The following LRRC37A2 variants were observed in gnomAD, a reference collection of about 807,000 sequenced individuals.
The protein encoded by LRRC37A2 is leucine-rich repeat-containing protein 37A2.
Under a neutral mutation model 68.8 loss-of-function variants are expected in LRRC37A2, and 9 were observed. The observed-to-expected ratio is 0.13, with a 90% CI of 0.08 to 0.23. The LOEUF is 0.23. Among genes scored for constraint, LRRC37A2 ranks in the 10% least tolerant of loss-of-function variants. LRRC37A2 has a pLI of 1.00. For missense variants in LRRC37A2, 168 were observed against 950.4 expected, an observed-to-expected ratio of 0.18 and a Z score of 10.82; for synonymous variants, 63 against 367.6, an observed-to-expected ratio of 0.17 and a Z score of 9.48.
the LRRC37A2 span, among the ~76,000 whole-genome samples, chr17:46,793,274 A>T: frequency 2.8e-5 from 1 of 36,234 alleles, no homozygotes; most frequent in Non-Finnish European, 5.2e-5. Context: ...ACCCTGTCTA[A>T]AAAAAAAAAA....
At chr17:46,855,205 T>G in the LRRC37A2 span, among the ~76,000 whole-genome samples, 2 of 152,200 alleles carry the variant, frequency 1.3e-5, no homozygotes, top group Admixed American at 6.5e-5. Context: ...AGGGCAGCAG[T>G]GGCTGCAGAG....
chr17:46,681,453 G>A, the LRRC37A2 span, among the ~76,000 whole-genome samples: 3 of 137,194 alleles, frequency 2.2e-5, no homozygotes, highest in Non-Finnish European at 4.7e-5. Context: ...TAGTGCCACT[G>A]CACTCCCGCT....
At chr17:46,800,462 G>A in the LRRC37A2 span, among the ~76,000 whole-genome samples, 1 of 152,238 alleles carries the variant, frequency 6.6e-6, no homozygotes, top group East Asian at 1.9e-4. Flanking sequence ...TGATGTGTGA[G>A]GCTCGCTAGT....
chr17:46,757,307 C>A, the LRRC37A2 span: 1 of 152,634 alleles, frequency 6.6e-6, no homozygotes, highest in Non-Finnish European at 1.5e-5. Flanking sequence ...CCTCTAAGAT[C>A]TTGCCTCTTT....
At chr17:46,961,479 GA>G in the LRRC37A2 span, among the ~76,000 whole-genome samples, 1 of 152,240 alleles carries the variant, frequency 6.6e-6, no homozygotes, top group Non-Finnish European at 1.5e-5. Flanking sequence ...AGGCTGCAGT[GA>G]GCTATGATCA....
the LRRC37A2 span, among the ~76,000 whole-genome samples, chr17:46,999,106 AAC>A: frequency 1.3e-5 from 2 of 151,868 alleles, no homozygotes; most frequent in Admixed American, 1.3e-4. Context: ...CAACGAGTTC[AAC>A]ACATGAACTA....
chr17:46,920,800 G>A, the LRRC37A2 span, among the ~76,000 whole-genome samples: 2 of 152,124 alleles, frequency 1.3e-5, no homozygotes, highest in East Asian at 1.9e-4. Flanking sequence ...TGCACTAGGC[G>A]CAACAGGCCA....
the LRRC37A2 span, among the ~76,000 whole-genome samples, chr17:46,965,287 A>T: frequency 6.6e-6 from 1 of 152,066 alleles, no homozygotes; most frequent in African/African-American, 2.4e-5. Context: ...GGTACAAATG[A>T]TTTCTCCTTT....
the LRRC37A2 span, among the ~76,000 whole-genome samples, chr17:46,837,954 A>G: frequency 1.3e-5 from 2 of 152,152 alleles, no homozygotes; most frequent in Admixed American, 6.5e-5. Flanking sequence ...GAGGGGCTTC[A>G]TGGGTGGGTG....
chr17:46,770,768 G>A, the LRRC37A2 span, among the ~76,000 whole-genome samples: 1 of 152,202 alleles, frequency 6.6e-6, no homozygotes, highest in Non-Finnish European at 1.5e-5. Flanking sequence ...CCAGCGCAGG[G>A]AAAGGAGAGA....
At chr17:46,889,745 C>T in the LRRC37A2 span, among the ~76,000 whole-genome samples, 1 of 152,130 alleles carries the variant, frequency 6.6e-6, no homozygotes, top group East Asian at 1.9e-4. Context: ...TTCATGAACT[C>T]CTAAGCGGGA....
At chr17:46,816,906 G>A in the LRRC37A2 span, among the ~76,000 whole-genome samples, 1 of 152,216 alleles carries the variant, frequency 6.6e-6, no homozygotes, top group Admixed American at 6.5e-5. Context: ...CTGGACTGGT[G>A]TTGGCAGCAG....
At chr17:46,872,802 G>A in the LRRC37A2 span, 2 of 1,438,402 alleles carry the variant, frequency 1.4e-6, no homozygotes, top group East Asian at 4.6e-5. Flanking sequence ...GGACGGGGAG[G>A]GCTGGGGGAA....
chr17:47,030,779 AG>A, the LRRC37A2 span, among the ~76,000 whole-genome samples: 1 of 151,928 alleles, frequency 6.6e-6, no homozygotes, highest in Non-Finnish European at 1.5e-5. Context: ...CAAGATGCCA[AG>A]GGAAGGTGCC....
chr17:46,494,827 G>A, the LRRC37A2 span, among the ~76,000 whole-genome samples: 2 of 150,914 alleles, frequency 1.3e-5, no homozygotes, highest in Non-Finnish European at 2.9e-5. Context: ...TTTTGTATTG[G>A]GAAGATAACA....
intron 12 of LRRC37A2, 51 bp downstream of exon 11, chr17:46,553,500 T>G (rs2057031702): frequency 6.2e-7 from 1 of 1,606,428 alleles, no homozygotes; most frequent in Non-Finnish European, 8.5e-7. Context: ...AGACGGAGTT[T>G]CCCTCTTGTT....
the LRRC37A2 span, among the ~76,000 whole-genome samples, chr17:46,823,153 T>TATATATA: frequency 9.9e-6 from 1 of 100,892 alleles, no homozygotes; most frequent in South Asian, 2.6e-4. Flanking sequence ...TATATATATT[T>TATATATA]ATATATTATA....
chr17:46,855,987 C>T, the LRRC37A2 span, among the ~76,000 whole-genome samples: 8 of 152,338 alleles, frequency 5.3e-5, no homozygotes, highest in African/African-American at 1.9e-4. Flanking sequence ...CCATGCCCGG[C>T]CCCCAGTCCA....
At chr17:46,631,080 A>ACACACACACACACACACACACG in the LRRC37A2 span, among the ~76,000 whole-genome samples, 84 of 143,936 alleles carry the variant, frequency 5.8e-4, 1 homozygote, top group Middle Eastern at 3.4e-3. Flanking sequence ...ACACACACAC[A>ACACACACACACACACACACACG]CACACACACA....
Sources: allele counts gnomAD v4.1 joint callset (sites outside exome capture counted in the v4.1 genomes callset), GRCh38; gene constraint gnomAD v4.1.1; transcripts MANE v1.5; gene names NCBI Gene and HGNC (gene_info 2026-07-23, HGNC 2026-07-21).